The following FAM168A variants were observed in gnomAD, a reference collection of about 807,000 sequenced individuals.
FAM168A encodes family with sequence similarity 168 member A.
In FAM168A, 3 loss-of-function variants were observed where a neutral mutation model predicts 28.5. The observed-to-expected ratio is 0.11, with a 90% CI of 0.05 to 0.27. FAM168A has a LOEUF of 0.27. Ranked by LOEUF, FAM168A falls within the 10% of genes least tolerant of loss-of-function variation. The pLI is 1.00. For missense variants in FAM168A, 222 were observed against 311.5 expected, an observed-to-expected ratio of 0.71 and a Z score of 2.16; for synonymous variants, 122 against 124.2, an observed-to-expected ratio of 0.98 and a Z score of 0.12.
chr11:73,464,352 TAAA>T (rs377420678), intron 2 of FAM168A, among the ~76,000 whole-genome samples: 4 of 143,206 alleles, frequency 2.8e-5, no homozygotes, highest in African/African-American at 5.1e-5. Context: ...AACACTGGTT[TAAA>T]AAAAAAAAAA....
rs78307674 is a variant in FAM168A, at chr11:73,407,615, C to T, written c.624G>A (p.Thr208=). 6.9e-4 allele frequency: 1,104 copies of T among 1,610,776 alleles called. 5 individuals are homozygous for T. In the African/African-American group the frequency reaches 0.011, roughly 15 times the overall value. The change falls in exon 7 of 8, where the codon ACG becomes ACA. Residue 208 remains threonine (T), a synonymous_variant. Transcript: ENST00000356467. ...AGTLLTTPQH[T]AIGAHPVSMP... ...TGGAGACAGGGTGTGCCCCAATCGC[C>T]GTGTGCTGGGGTGTAGTCAGCAGGG... is the stretch of plus-strand genomic sequence containing the variant.
chr11:73,457,587 T>A (rs1474027360), intron 2 of FAM168A, among the ~76,000 whole-genome samples: 2 of 150,612 alleles, frequency 1.3e-5, no homozygotes, highest in Non-Finnish European at 3.0e-5. Flanking sequence ...TAAAAATGGT[T>A]AAAATTGGCC....
chr11:73,569,090 C>A (rs1306456160), intron 1 of FAM168A, among the ~76,000 whole-genome samples: 1 of 152,152 alleles, frequency 6.6e-6, no homozygotes, highest in Non-Finnish European at 1.5e-5. Flanking sequence ...CTGTTATAGA[C>A]AGTTACCATA....
chr11:73,520,110 A>G (rs888196209), intron 1 of FAM168A, among the ~76,000 whole-genome samples: 4 of 152,010 alleles, frequency 2.6e-5, no homozygotes, highest in African/African-American at 9.7e-5. Context: ...CAGTGGCACA[A>G]TCTCGGCTCA....
intron 2 of FAM168A, among the ~76,000 whole-genome samples, chr11:73,444,090 C>T (rs1867255404): frequency 6.6e-6 from 1 of 152,208 alleles, no homozygotes; most frequent in Non-Finnish European, 1.5e-5. Flanking sequence ...TCAGCTGTAC[C>T]ATTTACCAGA....
In FAM168A at chr11:73,401,853, GGCTGGCCATGGAATGTTGAA is replaced by G. The variant is rs1866417801; in HGVS notation, c.*4890_*4909del. The stretch of plus-strand genomic sequence containing the variant: ...TGGGACCCAAGTCTGGCTTAGGCAG[GGCTGGCCATGGAATGTTGAA>G]GCTGGCCTGCCAGGAATTTTGAAGG... On this transcript the variant is annotated 3_prime_UTR_variant, in exon 8 of 8. Coordinates refer to ENST00000356467, the MANE Select transcript of FAM168A (RefSeq NM_015159.3). The G allele has an allele frequency of 2.0e-5, 3 of 152,358 alleles. No individual in the cohort carries two copies. Among genetic ancestry groups the G allele is most frequent in the African/African-American group, 7.2e-5 (3 of 41,564 alleles). The allele number at this position is 152,358 out of a possible 1,614,324, so 9.4% of individuals were successfully genotyped here.
chr11:73,571,083 GA>G (rs1202146088), intron 1 of FAM168A, among the ~76,000 whole-genome samples: 1 of 152,104 alleles, frequency 6.6e-6, no homozygotes, highest in Non-Finnish European at 1.5e-5. Flanking sequence ...TTGCAATGAA[GA>G]AAAACTGACA....
At chr11:73,575,488 C>G (rs151052137) in intron 1 of FAM168A, among the ~76,000 whole-genome samples, 2 of 152,298 alleles carry the variant, frequency 1.3e-5, no homozygotes, top group African/African-American at 4.8e-5. Flanking sequence ...CACTAATTAG[C>G]TGAATCCCTT....
chr11:73,575,884 G>C (rs935941203), intron 1 of FAM168A, among the ~76,000 whole-genome samples: 3 of 151,458 alleles, frequency 2.0e-5, no homozygotes, highest in Admixed American at 6.6e-5. Flanking sequence ...AAAAAAATTA[G>C]ACATAATGTA....
chr11:73,430,565 C>G (rs1307032510), intron 3 of FAM168A, 125 bp downstream of exon 3: 3 of 867,850 alleles, frequency 3.5e-6, no homozygotes, highest in Admixed American at 1.8e-5. Context: ...CCAGGAAAAT[C>G]CAGCCTGGAG....
chr11:73,497,471 T>C (rs1182902457), intron 1 of FAM168A, among the ~76,000 whole-genome samples: 3 of 151,530 alleles, frequency 2.0e-5, no homozygotes, highest in Non-Finnish European at 4.4e-5. Flanking sequence ...AAAAAAGACA[T>C]ACTGTCCAGC....
In FAM168A at chr11:73,417,696, A is replaced by G. The variant is rs529909854; in HGVS notation, c.277+2178T>C. On this transcript the variant is annotated intron_variant, in intron 4 of 7. Transcript: ENST00000356467. ...TGCCTCAGCCTCCCGAGTAGCTGGG[A>G]CTACAGGCACCCGCCACCATGCCTG... Among the ~76,000 whole-genome samples, 80 of 151,702 alleles carry G rather than the reference A, an allele frequency of 5.3e-4. 1 individual carries two copies. The highest frequency in any genetic ancestry group is 2.7e-3 in the Admixed American group (41 of 15,192).
chr11:73,595,053 G>GA lies in FAM168A; in HGVS notation c.-19+2869dup, dbSNP rs960028732. On this transcript the variant is annotated intron_variant, in intron 1 of 7. Coordinates refer to ENST00000356467, the MANE Select transcript of FAM168A (RefSeq NM_015159.3). ...TACTACACAGGTAACCACGGCTGTG[G>GA]AAAAAAAAAATCCACCAACACATTT... Among the ~76,000 whole-genome samples the GA allele has an allele frequency of 1.7e-4, 25 of 149,754 alleles. No individual in the cohort carries two copies. In the East Asian group the frequency reaches 2.5e-3, roughly 15 times the overall value.
At chr11:73,486,360 C>A (rs150540058) in intron 1 of FAM168A, among the ~76,000 whole-genome samples, 8 of 152,284 alleles carry the variant, frequency 5.3e-5, no homozygotes, top group African/African-American at 1.9e-4. Flanking sequence ...AACACTAACT[C>A]CCCATTCTCC....
chr11:73,541,529 C>T (rs1456869282), intron 1 of FAM168A, among the ~76,000 whole-genome samples: 1 of 151,926 alleles, frequency 6.6e-6, no homozygotes, highest in African/African-American at 2.4e-5. Flanking sequence ...CCTGCCACCA[C>T]ACCCGGCTAA....
At chr11:73,583,266 G>C (rs767531893) in intron 1 of FAM168A, among the ~76,000 whole-genome samples, 18 of 152,116 alleles carry the variant, frequency 1.2e-4, no homozygotes, top group Non-Finnish European at 2.6e-4. Flanking sequence ...TCACGCCACT[G>C]CACTCCAGCC....
intron 2 of FAM168A, among the ~76,000 whole-genome samples, chr11:73,455,130 C>T (rs1053027827): frequency 6.6e-6 from 1 of 152,218 alleles, no homozygotes; most frequent in Admixed American, 6.5e-5. Flanking sequence ...GTCACAGGCA[C>T]CCCCACCTGG....
intron 5 of FAM168A, among the ~76,000 whole-genome samples, chr11:73,410,219 A>G (rs1362436135): frequency 2.0e-5 from 3 of 152,150 alleles, no homozygotes; most frequent in African/African-American, 7.2e-5. Context: ...CAGCCCGACC[A>G]GCATGGTGAA....
chr11:73,459,879 A>ATTTTTTTT (rs918564469), intron 2 of FAM168A, among the ~76,000 whole-genome samples: 1 of 108,454 alleles, frequency 9.2e-6, no homozygotes, highest in Non-Finnish European at 1.8e-5. Context: ...ATCCAAATGA[A>ATTTTTTTT]TTTTTTTTTT....
Sources: allele counts gnomAD v4.1 joint callset (sites outside exome capture counted in the v4.1 genomes callset), GRCh38; gene constraint gnomAD v4.1.1; transcripts MANE v1.5; gene names NCBI Gene and HGNC (gene_info 2026-07-23, HGNC 2026-07-21).